FRMPD2: variants seen among roughly 807,000 people sequenced by gnomAD.
FRMPD2 encodes the protein FERM and PDZ domain containing 2, also known as FERM and PDZ domain-containing protein 2.
FRMPD2 carries 96 observed loss-of-function variants against 140.1 expected under a neutral mutation model. That is an observed-to-expected ratio of 0.69 (90% confidence interval 0.58 to 0.81). The LOEUF (loss-of-function observed/expected upper bound fraction) is 0.81. Ranked by LOEUF, FRMPD2 falls within the 40% of genes least tolerant of loss-of-function variation. The pLI is 0.00. For missense variants in FRMPD2, 1,240 were observed against 1,447.4 expected (o/e 0.86, Z 2.32); for synonymous variants, 449 against 547.6 (o/e 0.82, Z 2.52).
rs1437652374 is a variant in FRMPD2, at chr10:48,178,148, C to T, written c.2794G>A (p.Ala932Thr). ...GGTGATGGAGGACAAGAAGAACCAG[C>T]ACCCTGCCATAAACAAACAAACAAA... ...HQLSFLPLKGAGSSCPPSPPE... is the reference protein window; with the variant it reads ...HQLSFLPLKGTGSSCPPSPPE... Residue 932 changes from alanine to threonine, a missense_variant, in exon 22 of 29, where the codon GCT (alanine) becomes ACT (threonine). Physicochemically the swap from Ala to Thr is moderately conservative, Grantham distance 58 (BLOSUM62 0). Transcript: ENST00000374201. 1.3e-6 allele frequency: 2 copies of T among 1,498,936 alleles called. No homozygotes were observed. Among genetic ancestry groups the T allele is most frequent in the East Asian group, 2.3e-5 (1 of 44,320 alleles). 92.9% of individuals were successfully genotyped at this position (1,498,936 alleles called of 1,614,324 possible).
At chr10:48,179,619 A>C in intron 21 of FRMPD2, among the ~76,000 whole-genome samples, 1 of 151,774 alleles carries the variant, frequency 6.6e-6, no homozygotes, top group Non-Finnish European at 1.5e-5. Flanking sequence ...ATACACGTGG[A>C]TGCTTTTCTC....
intron 14 of FRMPD2, 44 bp downstream of exon 14, chr10:48,206,704 A>G: frequency 1.9e-6 from 3 of 1,540,614 alleles, no homozygotes; most frequent in Non-Finnish European, 2.7e-6. Flanking sequence ...AACAAATCAA[A>G]GGAAAATGAA....
chr10:48,208,172 G>A (rs1389171672), intron 13 of FRMPD2, among the ~76,000 whole-genome samples: 1 of 152,124 alleles, frequency 6.6e-6, no homozygotes, highest in African/African-American at 2.4e-5. Context: ...TTAAAAAGCA[G>A]GGCCACCACA....
chr10:48,220,121 A>G (rs1253091019), intron 12 of FRMPD2, among the ~76,000 whole-genome samples: 1 of 152,204 alleles, frequency 6.6e-6, no homozygotes, highest in Non-Finnish European at 1.5e-5. Context: ...GTTGGCTATT[A>G]CTATTCAAAG....
At chr10:48,212,567 C>T (rs1182580908) in intron 12 of FRMPD2, among the ~76,000 whole-genome samples, 1 of 139,986 alleles carries the variant, frequency 7.1e-6, no homozygotes, top group African/African-American at 3.0e-5. Flanking sequence ...GGCCCTAAAA[C>T]TCTATGTTGT....
At chr10:48,180,581 C>T (rs1279386600) in intron 21 of FRMPD2, among the ~76,000 whole-genome samples, 2 of 151,776 alleles carry the variant, frequency 1.3e-5, no homozygotes, top group Non-Finnish European at 2.9e-5. Flanking sequence ...CAGACACTGT[C>T]CTAGAACTCT....
At chr10:48,220,507 C>A (rs1416534558) in intron 12 of FRMPD2, among the ~76,000 whole-genome samples, 1 of 152,102 alleles carries the variant, frequency 6.6e-6, no homozygotes, top group African/African-American at 2.4e-5. Context: ...ACCAGAAAAA[C>A]CCTTCTGGAT....
intron 3 of FRMPD2, among the ~76,000 whole-genome samples, chr10:48,247,527 G>C (rs1840278224): frequency 1.3e-5 from 2 of 152,170 alleles, no homozygotes; most frequent in Admixed American, 6.5e-5. Context: ...CAGCAGACAG[G>C]GCTTCCTAGC....
At chr10:48,206,470 T>G (rs1319583388) in intron 14 of FRMPD2, among the ~76,000 whole-genome samples, 2 of 152,198 alleles carry the variant, frequency 1.3e-5, no homozygotes, top group Non-Finnish European at 2.9e-5. Flanking sequence ...AGAAGGAAAG[T>G]GTAGCCCTTT....
chr10:48,238,007 A>G lies in FRMPD2; in HGVS notation c.905T>C (p.Leu302Pro). ...TTTGCTTACCTTGCTCCTTCTTTGC[A>G]GAAAACCCCTCTGAGAAGGAGTTGT... is the stretch of plus-strand genomic sequence containing the variant. ...WPTTPSQRGF[L>P]QRRSKFSRPE... The change falls in exon 8 of 29, where the codon CTG (leucine) becomes CCG (proline). Residue 302 changes from leucine to proline, a missense_variant. Physicochemically the swap from Leu to Pro is moderately conservative, Grantham distance 98 (BLOSUM62 -3). Around this residue, in one of 6 missense-constraint regions of FRMPD2, gnomAD observed 1,161 missense variants for 1,055.9 expected, o/e 1.10. Transcript: ENST00000374201. The G allele has an allele frequency of 6.2e-7, 1 of 1,614,174 alleles. No homozygotes were observed. Among genetic ancestry groups the G allele is most frequent in the Non-Finnish European group, 8.5e-7 (1 of 1,180,038 alleles).
intron 14 of FRMPD2, among the ~76,000 whole-genome samples, chr10:48,204,116 C>T (rs541814932): frequency 6.6e-6 from 1 of 152,160 alleles, no homozygotes; most frequent in African/African-American, 2.4e-5. Flanking sequence ...CCCTATAATA[C>T]CCAGCCCCCG....
intron 13 of FRMPD2, 77 bp from the exon 14 acceptor site, chr10:48,207,010 G>T: frequency 2.3e-6 from 3 of 1,310,228 alleles, no homozygotes; most frequent in African/African-American, 1.5e-5. Context: ...TTCACTCCAT[G>T]CAAAACACAC....
Position 48,257,341 on chromosome 10 carries a change from G to A in FRMPD2, c.26-5650C>T, listed in dbSNP as rs1391149527. On this transcript the variant is annotated intron_variant, in intron 1 of 28. Transcript: ENST00000374201. ...CTCGCCCTGGCTGGAGTGTAGTGGC[G>A]TGATCTCGGCTCTCTGCAACCTCCA... 4.0e-5 allele frequency among the ~76,000 whole-genome samples: 6 copies of A among 151,856 alleles called. No individual in the cohort carries two copies. In the East Asian group the frequency reaches 5.8e-4, roughly 15 times the overall value.
At chr10:48,202,163 A>G in intron 14 of FRMPD2, among the ~76,000 whole-genome samples, 1 of 152,196 alleles carries the variant, frequency 6.6e-6, no homozygotes, top group African/African-American at 2.4e-5. Flanking sequence ...ACAATAAAAT[A>G]TATAGGTGAT....
intron 10 of FRMPD2, among the ~76,000 whole-genome samples, chr10:48,227,964 A>T (rs1000968159): frequency 6.6e-6 from 1 of 152,188 alleles, no homozygotes; most frequent in African/African-American, 2.4e-5. Context: ...TGGATTTATC[A>T]AGCAAAAGCG....
intron 9 of FRMPD2, among the ~76,000 whole-genome samples, chr10:48,234,942 A>G (rs1367998235): frequency 1.3e-5 from 2 of 152,148 alleles, no homozygotes; most frequent in Non-Finnish European, 2.9e-5. Context: ...CCCGGTGGGT[A>G]GAGGAGTCTC....
In FRMPD2 at chr10:48,201,236, A is replaced by G; in HGVS notation, c.1946T>C (p.Val649Ala). Residue 649 changes from valine (V) to alanine (A), a missense_variant, in exon 15 of 29, where the codon GTT becomes GCT. By Grantham distance (64) the Val-to-Ala change is moderately conservative. This residue lies in a region of FRMPD2 where 1,161 missense variants were observed against 1,055.9 expected (regional missense o/e 1.10). Transcript: ENST00000374201. ...AQMGSGQPSH[V>A]LFDHDKFVQM... Reference sequence around the variant, plus strand: ...ATACAGCTTCTACTCACCAAATAAAACATGGGAAGGCTGCCCAGAGCCCAT... The same window carrying G: ...ATACAGCTTCTACTCACCAAATAAAGCATGGGAAGGCTGCCCAGAGCCCAT... 1.2e-6 allele frequency: 2 copies of G among 1,604,888 alleles called. No individual in the cohort carries two copies. Among genetic ancestry groups the G allele is most frequent in the African/African-American group, 1.3e-5 (1 of 74,650 alleles).
chr10:48,183,915 G>C lies in FRMPD2; in HGVS notation c.2584+651C>G, dbSNP rs536552112. Among the ~76,000 whole-genome samples the C allele has an allele frequency of 3.4e-5, 5 of 147,628 alleles. No individual in the cohort carries two copies. In the East Asian group the frequency reaches 6.0e-4, roughly 18 times the overall value. ...TTTACAAGTGGGAGCTAAATAATGAGAACCCATGATCACAAAGAGGGGAAC... is the reference window on the plus strand; with the variant it reads ...TTTACAAGTGGGAGCTAAATAATGACAACCCATGATCACAAAGAGGGGAAC... On this transcript the variant is annotated intron_variant, in intron 20 of 28. Transcript: ENST00000374201.
In FRMPD2 at chr10:48,184,429, C is replaced by A. The variant is rs1410150823; in HGVS notation, c.2584+137G>T. 3 of 612,758 alleles carry A rather than the reference C, an allele frequency of 4.9e-6. No homozygotes were observed. The South Asian group carries it at 6.5e-5, about 13-fold the overall frequency. 38.0% of individuals were successfully genotyped at this position (612,758 alleles called of 1,614,324 possible). ...CTTATTAATTTGTGCCACTACACTG[C>A]TTCTTTGCAAGCCAACACCATGAGG... On this transcript the variant is annotated intron_variant, in intron 20 of 28. Transcript: ENST00000374201.
Sources: allele counts gnomAD v4.1 joint callset (sites outside exome capture counted in the v4.1 genomes callset), GRCh38; gene constraint gnomAD v4.1.1; regional missense constraint gnomAD v4.1.1; transcripts MANE v1.5; gene names NCBI Gene and HGNC (gene_info 2026-07-23, HGNC 2026-07-21).